The following FKBP5 variants were observed in gnomAD, a reference collection of about 807,000 sequenced individuals.
FKBP5 encodes the protein peptidyl-prolyl cis-trans isomerase FKBP5.
Under a neutral mutation model 50.5 loss-of-function variants are expected in FKBP5, and 23 were observed. That is an observed-to-expected ratio of 0.46 (90% CI 0.33 to 0.65). The LOEUF is 0.65. Ranked by LOEUF, FKBP5 falls within the 30% of genes least tolerant of loss-of-function variation. The probability of loss-of-function intolerance (pLI) is 0.02; values close to 1 mark genes in which losing one functional copy is unlikely to be tolerated. For missense variants in FKBP5, 411 were observed against 553.1 expected (o/e 0.74, Z 2.58); for synonymous variants, 176 against 190.6 (o/e 0.92, Z 0.63).
intron 1 of FKBP5, among the ~76,000 whole-genome samples, chr6:35,680,752 C>T (rs1332379983): frequency 2.6e-5 from 4 of 152,194 alleles, no homozygotes; most frequent in South Asian, 2.1e-4. Context: ...TGTATGCCTC[C>T]TCTTCTTTGG....
At chr6:35,676,596 T>C (rs902873665) in intron 1 of FKBP5, among the ~76,000 whole-genome samples, 2 of 152,260 alleles carry the variant, frequency 1.3e-5, no homozygotes, top group African/African-American at 4.8e-5. Flanking sequence ...TTTTCCACCC[T>C]TAATAATCAT....
intron 2 of FKBP5, among the ~76,000 whole-genome samples, chr6:35,711,756 CTG>C (rs754943324): frequency 2.0e-5 from 3 of 152,228 alleles, no homozygotes; most frequent in Non-Finnish European, 4.4e-5. Context: ...ACTCATCAAA[CTG>C]TACACTTAAA....
At chr6:35,639,526 A>C (rs1338942286) in intron 2 of FKBP5, among the ~76,000 whole-genome samples, 2 of 152,192 alleles carry the variant, frequency 1.3e-5, no homozygotes, top group Non-Finnish European at 2.9e-5. Context: ...GAAAAGATGA[A>C]AGGGTAAGTC....
intron 1 of FKBP5, among the ~76,000 whole-genome samples, chr6:35,668,787 C>G (rs1765300487): frequency 6.6e-6 from 1 of 152,044 alleles, no homozygotes; most frequent in South Asian, 2.1e-4. Flanking sequence ...ATTTCCATTT[C>G]TAAGAAACTA....
chr6:35,678,678 G>A (rs1018566839), intron 1 of FKBP5, among the ~76,000 whole-genome samples: 2 of 152,072 alleles, frequency 1.3e-5, no homozygotes, highest in African/African-American at 4.8e-5. Context: ...AAAACACAAT[G>A]TTTTTTATGT....
In FKBP5 at chr6:35,662,742, A is replaced by G. The variant is rs557407935; in HGVS notation, c.-19-19899T>C. Among the ~76,000 whole-genome samples, 32 of 152,254 alleles carry G rather than the reference A, an allele frequency of 2.1e-4. No homozygotes were observed. The South Asian group carries it at 5.6e-3, about 27-fold the overall frequency. On this transcript the variant is annotated intron_variant, in intron 1 of 10. Coordinates refer to ENST00000357266, the MANE Select transcript of FKBP5 (RefSeq NM_004117.4). The stretch of plus-strand genomic sequence containing the variant: ...TAATAGGAACTCATTTTAATTGTGC[A>G]TTCATTTTTGCTGCTTTTGGCCCTT...
rs184198798 is a variant in FKBP5, at chr6:35,609,863, T to C, written c.508+9233A>G. Among the ~76,000 whole-genome samples the C allele has an allele frequency of 9.6e-4, 147 of 152,360 alleles. 1 individual carries two copies. The highest frequency in any genetic ancestry group is 3.4e-3 in the African/African-American group (142 of 41,578). The stretch of plus-strand genomic sequence containing the variant: ...TCAGGGAAGTTGGCTTTTTGACTTA[T>C]GAATCTGATGTCCTGTTAACAATTT... On this transcript the variant is annotated intron_variant, in intron 5 of 10. Transcript: ENST00000357266.
intron 4 of FKBP5, among the ~76,000 whole-genome samples, chr6:35,619,841 A>G (rs1763778000): frequency 6.6e-6 from 1 of 152,190 alleles, no homozygotes; most frequent in Non-Finnish European, 1.5e-5. Context: ...TACTCTGGTC[A>G]ATTTTGAGTA....
chr6:35,573,719 T>C lies in FKBP5; in HGVS notation c.*2116A>G, dbSNP rs967295416. ...AATCCATATGCAGCCTAAAAGGTGG[T>C]TGAAAGATGTCTGTGGACTTCTACA... is the stretch of plus-strand genomic sequence containing the variant. On this transcript the variant is annotated 3_prime_UTR_variant, in exon 11 of 11. Coordinates refer to ENST00000357266, the MANE Select transcript of FKBP5 (RefSeq NM_004117.4). The C allele has an allele frequency of 1.3e-5, 2 of 152,174 alleles. No individual in the cohort carries two copies. Among genetic ancestry groups the C allele is most frequent in the African/African-American group, 2.4e-5 (1 of 41,434 alleles). The allele number at this position is 152,174 out of a possible 1,614,324, so 9.4% of individuals were successfully genotyped here.
chr6:35,582,424 C>A lies in FKBP5; in HGVS notation c.841-2203G>T, dbSNP rs551881253. 16 of 491,804 alleles carry A rather than the reference C, an allele frequency of 3.3e-5. No homozygotes were observed. In the East Asian group the frequency reaches 2.4e-3, roughly 75 times the overall value. 30.5% of individuals were successfully genotyped at this position (491,804 alleles called of 1,614,324 possible). A position where few individuals can be genotyped will look rare whatever the true frequency, so the allele number is the denominator to read the frequency against. On this transcript the variant is annotated intron_variant, in intron 8 of 10. Coordinates refer to ENST00000357266, the MANE Select transcript of FKBP5 (RefSeq NM_004117.4). ...AGATGTGGTCATGAGGGTGGGGCCT[C>A]ATGATGGGATTAGAGCCTTTATAAG...
intron 1 of FKBP5, among the ~76,000 whole-genome samples, chr6:35,670,554 C>T (rs1765357158): frequency 6.6e-6 from 1 of 151,412 alleles, no homozygotes; most frequent in Non-Finnish European, 1.5e-5. Flanking sequence ...ATGGTGAAAC[C>T]CCGACTCTAC....
chr6:35,714,797 A>G (rs1236267726), intron 2 of FKBP5, among the ~76,000 whole-genome samples: 2 of 143,352 alleles, frequency 1.4e-5, no homozygotes, highest in African/African-American at 5.4e-5. Context: ...CTAGGCAACA[A>G]GAGTGAAACT....
intron 5 of FKBP5, among the ~76,000 whole-genome samples, chr6:35,615,267 T>C (rs892507133): frequency 2.8e-4 from 42 of 152,012 alleles, no homozygotes; most frequent in African/African-American, 9.9e-4. Context: ...GTCTGCTAAG[T>C]GGGTCTAGGA....
At chr6:35,606,551 T>A (rs1366023072) in intron 5 of FKBP5, among the ~76,000 whole-genome samples, 1 of 150,000 alleles carries the variant, frequency 6.7e-6, no homozygotes, top group Non-Finnish European at 1.5e-5. Flanking sequence ...TCCCAGCTAC[T>A]CGGGAGGCTG....
intron 2 of FKBP5, among the ~76,000 whole-genome samples, chr6:35,705,195 A>AAT (rs1217067959): frequency 4.3e-5 from 6 of 141,046 alleles, no homozygotes; most frequent in Non-Finnish European, 7.7e-5. Flanking sequence ...GTGAAATGCA[A>AAT]ATATATATAT....
intron 5 of FKBP5, 112 bp downstream of exon 5, chr6:35,618,984 C>T: frequency 1.4e-6 from 1 of 721,944 alleles, no homozygotes. Context: ...GCGTGAGTCA[C>T]TGCGCACAGC....
At chr6:35,589,476 C>T (rs1762746642) in intron 7 of FKBP5, among the ~76,000 whole-genome samples, 1 of 152,022 alleles carries the variant, frequency 6.6e-6, no homozygotes, top group Middle Eastern at 3.2e-3. Flanking sequence ...CACATTGCCC[C>T]AAACAACATC....
chr6:35,582,707 C>T (rs1479645284), intron 8 of FKBP5: 5 of 985,180 alleles, frequency 5.1e-6, no homozygotes, highest in Non-Finnish European at 6.0e-6. Flanking sequence ...TAGTCTTAGG[C>T]CTACCACTCC....
chr6:35,656,072 T>C (rs146808411), intron 1 of FKBP5, among the ~76,000 whole-genome samples: 108 of 152,366 alleles, frequency 7.1e-4, no homozygotes, highest in African/African-American at 2.3e-3. Context: ...TTTTATGTAA[T>C]ACTGTATCCT....
Sources: allele counts gnomAD v4.1 joint callset (sites outside exome capture counted in the v4.1 genomes callset), GRCh38; gene constraint gnomAD v4.1.1; transcripts MANE v1.5; gene names NCBI Gene and HGNC (gene_info 2026-07-23, HGNC 2026-07-21).